The following SLC24A3 variants were observed in gnomAD, a reference collection of about 807,000 sequenced individuals.
SLC24A3 encodes the protein sodium/potassium/calcium exchanger 3.
In SLC24A3, 28 loss-of-function variants were observed where a neutral mutation model predicts 75.8. That is an observed-to-expected ratio of 0.37 (90% confidence interval 0.27 to 0.51). The LOEUF is 0.51. Among genes scored for constraint, SLC24A3 ranks in the 20% least tolerant of loss-of-function variants. The probability of loss-of-function intolerance (pLI) is 0.94; values close to 1 mark genes in which losing one functional copy is unlikely to be tolerated. For missense variants in SLC24A3, 663 were observed against 847.8 expected (o/e 0.78, Z 2.71); for synonymous variants, 372 against 334.1 (o/e 1.11, Z -1.24).
chr20:19,257,223 A>T (rs1023522975), intron 1 of SLC24A3, among the ~76,000 whole-genome samples: 4 of 152,218 alleles, frequency 2.6e-5, no homozygotes, highest in African/African-American at 9.6e-5. Context: ...AGCTGGGACC[A>T]TCACTTTCTC....
intron 2 of SLC24A3, among the ~76,000 whole-genome samples, chr20:19,487,448 T>C (rs1008175058): frequency 2.0e-5 from 3 of 152,170 alleles, no homozygotes; most frequent in African/African-American, 7.2e-5. Flanking sequence ...TCAGTGCTTC[T>C]GAATAATAAT....
chr20:19,354,407 G>A (rs1023130578), intron 2 of SLC24A3, among the ~76,000 whole-genome samples: 1 of 152,124 alleles, frequency 6.6e-6, no homozygotes, highest in Non-Finnish European at 1.5e-5. Context: ...GGTGCAGGGG[G>A]TTGGCCTACA....
At chr20:19,282,149 T>C (rs1028474739) in intron 2 of SLC24A3, among the ~76,000 whole-genome samples, 1 of 152,152 alleles carries the variant, frequency 6.6e-6, no homozygotes, top group African/African-American at 2.4e-5. Context: ...ACAGAAGACA[T>C]GTCAGAGAAT....
In SLC24A3 at chr20:19,678,586, G is replaced by T. The variant is rs1174874164; in HGVS notation, c.768-3272G>T. On this transcript the variant is annotated intron_variant, in intron 9 of 16. Coordinates refer to ENST00000328041, the MANE Select transcript of SLC24A3 (RefSeq NM_020689.4). Reference sequence around the variant, plus strand: ...GGCTCCTCACTTCCCAGTAGGGGCGGCTGGGCAGAGGCGCCCCTCACCTCC... The same window carrying T: ...GGCTCCTCACTTCCCAGTAGGGGCGTCTGGGCAGAGGCGCCCCTCACCTCC... Among the ~76,000 whole-genome samples the T allele has an allele frequency of 3.4e-5, 5 of 149,124 alleles. 1 individual carries two copies. In the East Asian group the frequency reaches 1.0e-3, roughly 30 times the overall value.
At chr20:19,701,831 A>C (rs1226744805) in intron 15 of SLC24A3, among the ~76,000 whole-genome samples, 1 of 152,036 alleles carries the variant, frequency 6.6e-6, no homozygotes, top group East Asian at 1.9e-4. Context: ...AAGAAGAAGA[A>C]AAAAAAACCT....
chr20:19,701,014 T>C (rs1173689904), intron 15 of SLC24A3, among the ~76,000 whole-genome samples: 5 of 152,228 alleles, frequency 3.3e-5, no homozygotes, highest in Non-Finnish European at 5.9e-5. Context: ...AGAATGACAA[T>C]ATTTTTTACA....
At chr20:19,518,010 T>C (rs1568641937) in intron 3 of SLC24A3, among the ~76,000 whole-genome samples, 1 of 152,220 alleles carries the variant, frequency 6.6e-6, no homozygotes, top group East Asian at 1.9e-4. Context: ...TCGTACTGTG[T>C]CCAGCCATTG....
intron 2 of SLC24A3, among the ~76,000 whole-genome samples, chr20:19,349,706 C>T (rs1985522814): frequency 6.6e-6 from 1 of 152,210 alleles, no homozygotes; most frequent in Admixed American, 6.5e-5. Flanking sequence ...TGATAAATTA[C>T]TTTGTTGACT....
At chr20:19,367,310 C>T (rs560525828) in intron 2 of SLC24A3, among the ~76,000 whole-genome samples, 35 of 152,206 alleles carry the variant, frequency 2.3e-4, no homozygotes, top group Admixed American at 2.2e-3. Flanking sequence ...AAGAGGAGTT[C>T]CTTACCAGTT....
Position 19,689,075 on chromosome 20 carries a change from A to T in SLC24A3, c.1324+3714A>T, listed in dbSNP as rs6046248. ...GTGAAGAAAGCCTTATTGTTGACAG[A>T]CAGCAAAAGAAACCTTTTCATGTGT... On this transcript the variant is annotated intron_variant, in intron 12 of 16. Transcript: ENST00000328041. Among the ~76,000 whole-genome samples, 264 of 152,352 alleles carry T rather than the reference A, an allele frequency of 1.7e-3. 2 individuals are homozygous for T. Among genetic ancestry groups the T allele is most frequent in the African/African-American group, 6.2e-3 (256 of 41,586 alleles).
chr20:19,580,019 C>T lies in SLC24A3; in HGVS notation c.368C>T (p.Ala123Val), dbSNP rs761018781. The T allele has an allele frequency of 2.5e-6, 4 of 1,613,496 alleles. No individual in the cohort carries two copies. The highest frequency in any genetic ancestry group is 2.5e-6 in the Non-Finnish European group (3 of 1,179,394). ...HVLCAIYMFY[A>V]LAIVCDDFFV... is the part of the protein sequence containing the mutation. ...TTCCAGGCCATATACATGTTCTATGCGCTGGCCATTGTGTGTGATGACTTC... is the reference window on the plus strand; with the variant it reads ...TTCCAGGCCATATACATGTTCTATGTGCTGGCCATTGTGTGTGATGACTTC... The change falls in exon 4 of 17, where the codon GCG becomes GTG. Residue 123 changes from alanine to valine, a missense_variant. Around this residue, in one of 2 missense-constraint regions of SLC24A3, gnomAD observed 510 missense variants for 703.6 expected, o/e 0.72. Transcript: ENST00000328041.
At chr20:19,271,944 C>T (rs949225676) in intron 1 of SLC24A3, among the ~76,000 whole-genome samples, 7 of 152,318 alleles carry the variant, frequency 4.6e-5, no homozygotes, top group Non-Finnish European at 4.4e-5. Context: ...ATCCATGTAA[C>T]CAAAAACCTC....
chr20:19,220,227 A>G (rs1193333001), intron 1 of SLC24A3, among the ~76,000 whole-genome samples: 2 of 152,236 alleles, frequency 1.3e-5, no homozygotes, highest in African/African-American at 2.4e-5. Flanking sequence ...TGGCTTGTCA[A>G]TAGTGATTTA....
chr20:19,506,100 AG>A (rs1296503590), intron 2 of SLC24A3, among the ~76,000 whole-genome samples: 4 of 152,316 alleles, frequency 2.6e-5, no homozygotes, highest in South Asian at 4.1e-4. Flanking sequence ...TAAGACTCAA[AG>A]ATGTTAAAGA....
intron 2 of SLC24A3, among the ~76,000 whole-genome samples, chr20:19,418,166 C>T (rs1338975741): frequency 6.6e-6 from 1 of 152,012 alleles, no homozygotes; most frequent in African/African-American, 2.4e-5. Context: ...TGGCAGAAAC[C>T]AAAGTGGAAA....
intron 15 of SLC24A3, among the ~76,000 whole-genome samples, chr20:19,707,325 C>T (rs567578620): frequency 1.3e-5 from 2 of 152,132 alleles, no homozygotes; most frequent in African/African-American, 4.8e-5. Flanking sequence ...TCCACAGTAG[C>T]GGTAAAACTG....
At chr20:19,366,839 T>C (rs1012837581) in intron 2 of SLC24A3, among the ~76,000 whole-genome samples, 1 of 152,112 alleles carries the variant, frequency 6.6e-6, no homozygotes, top group African/African-American at 2.4e-5. Flanking sequence ...GGTCAAATGA[T>C]CTTCCATTCC....
chr20:19,365,058 T>G (rs764794271), intron 2 of SLC24A3, among the ~76,000 whole-genome samples: 10 of 152,040 alleles, frequency 6.6e-5, no homozygotes, highest in African/African-American at 9.7e-5. Flanking sequence ...ACCCTCCCCA[T>G]GGCTACTCCA....
chr20:19,283,623 A>T (rs1172320413), intron 2 of SLC24A3, among the ~76,000 whole-genome samples: 1 of 152,018 alleles, frequency 6.6e-6, no homozygotes, highest in African/African-American at 2.4e-5. Flanking sequence ...CAAATATGTA[A>T]ATCTGAGGGC....
Sources: gnomAD v4.1 joint callset for allele counts (sites outside exome capture counted in the v4.1 genomes callset) on GRCh38, gnomAD v4.1.1 for gene constraint, gnomAD v4.1.1 regional missense constraint, MANE v1.5 for transcripts, NCBI Gene and HGNC (gene_info 2026-07-23, HGNC 2026-07-21) for gene names.